The following CDH12 variants were observed in gnomAD, a reference collection of about 807,000 sequenced individuals.
CDH12 encodes cadherin-12.
A neutral mutation model predicts 74.1 loss-of-function variants in CDH12; 41 were observed. The observed-to-expected ratio is 0.55, with a 90% CI of 0.43 to 0.72. The LOEUF (loss-of-function observed/expected upper bound fraction) is 0.72, where lower values mean the gene tolerates loss of function less well. CDH12 is among the 30% of genes least tolerant of loss of function. The pLI is 0.00. For missense variants in CDH12, 945 were observed against 977.2 expected, an observed-to-expected ratio of 0.97 and a Z score of 0.44; for synonymous variants, 399 against 355.0, an observed-to-expected ratio of 1.12 and a Z score of -1.39.
At chr5:22,758,780 A>C (rs1746061564) in intron 1 of CDH12, among the ~76,000 whole-genome samples, 1 of 152,168 alleles carries the variant, frequency 6.6e-6, no homozygotes, top group South Asian at 2.1e-4. Flanking sequence ...GGTCAATGGA[A>C]GGGCTATGAA....
intron 3 of CDH12, among the ~76,000 whole-genome samples, chr5:22,369,061 G>A (rs768442440): frequency 2.0e-5 from 3 of 151,958 alleles, no homozygotes; most frequent in South Asian, 2.1e-4. Flanking sequence ...CCCGGGAGGC[G>A]GAGGTTGCAA....
At chr5:22,114,109 G>A (rs1744959798) in intron 4 of CDH12, among the ~76,000 whole-genome samples, 1 of 152,158 alleles carries the variant, frequency 6.6e-6, no homozygotes, top group Non-Finnish European at 1.5e-5. Context: ...ATCCCCACAG[G>A]AAACAGCAGT....
chr5:22,072,369 G>A (rs1742001419), intron 5 of CDH12, among the ~76,000 whole-genome samples: 1 of 151,966 alleles, frequency 6.6e-6, no homozygotes, highest in Non-Finnish European at 1.5e-5. Context: ...AAGCCTCAGG[G>A]CTTACAAAAA....
intron 2 of CDH12, among the ~76,000 whole-genome samples, chr5:22,499,064 C>G (rs939645332): frequency 6.6e-6 from 1 of 150,842 alleles, no homozygotes; most frequent in Non-Finnish European, 1.5e-5. Context: ...CTACCATACC[C>G]GGCTAATTTT....
At chr5:22,580,744 CT>C in intron 1 of CDH12, 1 of 319,884 alleles carries the variant, frequency 3.1e-6, no homozygotes, top group Non-Finnish European at 6.3e-6. Flanking sequence ...CTTTTTCCAC[CT>C]TTCTCCTTTA....
chr5:22,353,200 C>T (rs1421503939), intron 3 of CDH12, among the ~76,000 whole-genome samples: 2 of 152,120 alleles, frequency 1.3e-5, no homozygotes, highest in South Asian at 4.1e-4. Flanking sequence ...AAAAACAAAA[C>T]CACATAATTG....
intron 1 of CDH12, among the ~76,000 whole-genome samples, chr5:22,528,258 G>A (rs1737379870): frequency 1.3e-5 from 2 of 152,128 alleles, no homozygotes; most frequent in Admixed American, 1.3e-4. Context: ...AAGCAGAGAG[G>A]TCACTTCCAC....
chr5:22,181,370 C>A (rs188643407), intron 4 of CDH12, among the ~76,000 whole-genome samples: 2 of 152,092 alleles, frequency 1.3e-5, no homozygotes, highest in Admixed American at 6.5e-5. Context: ...CCTCAGCATT[C>A]TTCCCCATCC....
chr5:21,814,760 C>T (rs1048633939), intron 9 of CDH12, among the ~76,000 whole-genome samples: 4 of 150,394 alleles, frequency 2.7e-5, no homozygotes, highest in Non-Finnish European at 4.4e-5. Context: ...AATATTATGA[C>T]TTCTTAATTT....
chr5:22,265,490 C>T (rs1753671866), intron 3 of CDH12, among the ~76,000 whole-genome samples: 1 of 152,112 alleles, frequency 6.6e-6, no homozygotes, highest in Non-Finnish European at 1.5e-5. Flanking sequence ...AAAGGTTCTG[C>T]TCTCTCGTAT....
intron 3 of CDH12, among the ~76,000 whole-genome samples, chr5:22,346,527 A>G (rs1275267243): frequency 1.3e-5 from 2 of 152,218 alleles, no homozygotes; most frequent in Non-Finnish European, 2.9e-5. Flanking sequence ...ACAGAAAAAA[A>G]TGAATACAAG....
chr5:22,057,791 G>A (rs1328624684), intron 5 of CDH12, among the ~76,000 whole-genome samples: 1 of 152,114 alleles, frequency 6.6e-6, no homozygotes. Flanking sequence ...TTTTCATGGA[G>A]CGATGATGAA....
chr5:22,743,017 T>G (rs1745105495), intron 1 of CDH12, among the ~76,000 whole-genome samples: 1 of 151,322 alleles, frequency 6.6e-6, no homozygotes, highest in East Asian at 1.9e-4. Context: ...ACCAAAAGGC[T>G]AACCCTCCCT....
At chr5:22,799,835 CAT>C (rs762276602) in intron 1 of CDH12, among the ~76,000 whole-genome samples, 3 of 152,084 alleles carry the variant, frequency 2.0e-5, no homozygotes, top group Non-Finnish European at 4.4e-5. Flanking sequence ...AACACACAAA[CAT>C]ATTAATAAGC....
At chr5:22,503,731 T>C (rs916914396) in intron 2 of CDH12, among the ~76,000 whole-genome samples, 3 of 152,076 alleles carry the variant, frequency 2.0e-5, no homozygotes, top group South Asian at 2.1e-4. Context: ...TCGTTGTACA[T>C]AGCACAGAGT....
intron 3 of CDH12, among the ~76,000 whole-genome samples, chr5:22,225,402 T>C (rs1472591222): frequency 6.6e-6 from 1 of 152,066 alleles, no homozygotes; most frequent in Non-Finnish European, 1.5e-5. Context: ...CCTGGATAAA[T>C]GATGAATTGA....
intron 3 of CDH12, among the ~76,000 whole-genome samples, chr5:22,336,817 G>A (rs1193663590): frequency 6.6e-6 from 1 of 152,204 alleles, no homozygotes; most frequent in Non-Finnish European, 1.5e-5. Context: ...CCCACACAGA[G>A]TCCCTATTGG....
chr5:22,399,455 C>G (rs1232570447), intron 3 of CDH12, among the ~76,000 whole-genome samples: 1 of 152,092 alleles, frequency 6.6e-6, no homozygotes, highest in African/African-American at 2.4e-5. Context: ...GCCAGCAAAC[C>G]TACATCTATA....
At chr5:22,466,113 C>T (rs2260217) in intron 2 of CDH12, among the ~76,000 whole-genome samples, 65,120 of 151,940 alleles carry the variant, frequency 0.43, 14,418 homozygotes, top group Admixed American at 0.61. Context: ...TTTCTCTAAC[C>T]TGCTGATCTT....
Sources: gnomAD v4.1 joint callset for allele counts (sites outside exome capture counted in the v4.1 genomes callset) on GRCh38, gnomAD v4.1.1 for gene constraint, MANE v1.5 for transcripts, NCBI Gene and HGNC (gene_info 2026-07-23, HGNC 2026-07-21) for gene names.